PCDHA4: variants seen among roughly 807,000 people sequenced by gnomAD.
PCDHA4 encodes protocadherin alpha-4.
Under a neutral mutation model 61.4 loss-of-function variants are expected in PCDHA4, and 49 were observed. That is an observed-to-expected ratio of 0.80 (90% CI 0.63 to 1.01). The LOEUF is 1.01. Ranked by LOEUF, PCDHA4 falls within the 50% of genes least tolerant of loss-of-function variation. The pLI is 0.00. For synonymous variants in PCDHA4, 590 were observed against 550.3 expected (o/e 1.07, Z -1.01); for missense variants, 1,254 against 1,235.8 (o/e 1.01, Z -0.22).
chr5:140,941,202 C>CCTTCCTTT (rs1554213920), intron 1 of PCDHA4, among the ~76,000 whole-genome samples: 107 of 122,824 alleles, frequency 8.7e-4, no homozygotes, highest in Admixed American at 4.2e-3. Flanking sequence ...TTTCTTTCTT[C>CCTTCCTTT]CTTTCTTTCT....
At chr5:140,837,391 T>A (rs1444543611) in intron 1 of PCDHA4, among the ~76,000 whole-genome samples, 1 of 152,024 alleles carries the variant, frequency 6.6e-6, no homozygotes, top group East Asian at 1.9e-4. Context: ...GTTCCTTGTT[T>A]GTATAAGAAA....
At chr5:140,845,981 G>A (rs1025810525) in intron 1 of PCDHA4, among the ~76,000 whole-genome samples, 13 of 149,478 alleles carry the variant, frequency 8.7e-5, no homozygotes, top group Non-Finnish European at 1.9e-4. Context: ...TCAATATTTT[G>A]AATGTTGTGT....
In PCDHA4 at chr5:140,808,220, G is replaced by C; in HGVS notation, c.1033G>C (p.Asp345His). 6.2e-7 allele frequency: 1 copy of C among 1,614,204 alleles called. No homozygotes were observed. The highest frequency in any genetic ancestry group is 8.5e-7 in the Non-Finnish European group (1 of 1,180,030). ...TATTGTGGAAGTAGAAGACAACAAC[G>C]ATAATGTCCCAGATTTGGAATTCAA... is the stretch of plus-strand genomic sequence containing the variant. Reference protein sequence around the residue: ...RVIVEVEDNNDNVPDLEFKSL... With the variant: ...RVIVEVEDNNHNVPDLEFKSL... The change falls in exon 1 of 4, where the codon GAT (aspartate) becomes CAT (histidine). Residue 345 changes from aspartate to histidine, a missense_variant. Physicochemically the swap from Asp to His is moderately conservative, Grantham distance 81. Coordinates refer to ENST00000530339, the MANE Select transcript of PCDHA4 (RefSeq NM_018907.4).
intron 1 of PCDHA4, among the ~76,000 whole-genome samples, chr5:140,880,167 G>A (rs1363011800): frequency 2.0e-5 from 3 of 152,160 alleles, no homozygotes; most frequent in African/African-American, 7.2e-5. Context: ...TATGTTAGAA[G>A]TTAAACATGA....
chr5:140,956,137 A>C (rs374405911), intron 1 of PCDHA4, among the ~76,000 whole-genome samples: 1 of 152,114 alleles, frequency 6.6e-6, no homozygotes. Flanking sequence ...AATACCCTTT[A>C]TTTCTTTCTC....
intron 1 of PCDHA4, among the ~76,000 whole-genome samples, chr5:140,915,981 C>T (rs11167655): frequency 0.33 from 49,706 of 151,966 alleles, 8,424 homozygotes; most frequent in East Asian, 0.53. Flanking sequence ...TATTTGACTA[C>T]GGCTAAGCTG....
At chr5:140,814,728 C>A (rs1013538090) in intron 1 of PCDHA4, 3 of 152,178 alleles carry the variant, frequency 2.0e-5, no homozygotes, top group Non-Finnish European at 4.4e-5. Flanking sequence ...AATTTTTCAG[C>A]TCCATTATAA....
chr5:140,979,157 A>G (rs2096837413), intron 2 of PCDHA4, 150 bp downstream of exon 2: 9 of 1,429,186 alleles, frequency 6.3e-6, no homozygotes, highest in Non-Finnish European at 8.3e-6. Context: ...CCCCATGTTT[A>G]TTCCTTGAAA....
chr5:140,912,393 G>T (rs1312827248), intron 1 of PCDHA4, among the ~76,000 whole-genome samples: 1 of 147,816 alleles, frequency 6.8e-6, no homozygotes, highest in Admixed American at 6.7e-5. Context: ...TTCTTAATTT[G>T]ATTCTCAGCT....
intron 1 of PCDHA4, among the ~76,000 whole-genome samples, chr5:140,946,338 A>T (rs1042874038): frequency 6.6e-6 from 1 of 151,824 alleles, no homozygotes; most frequent in Non-Finnish European, 1.5e-5. Flanking sequence ...ATAACAAGTG[A>T]TGGAGAGGAT....
At chr5:140,966,808 A>G (rs782040625) in intron 1 of PCDHA4, 5 of 1,548,024 alleles carry the variant, frequency 3.2e-6, no homozygotes, top group Non-Finnish European at 4.3e-6. Context: ...CAGAGCATCC[A>G]CGGCTCCGGC....
rs530119651 is a variant in PCDHA4, at chr5:140,965,991, T to A, written c.2386-12958T>A. ...CCTAGGAGTTGAGCACTTTCTGCAG[T>A]ACTTAAGAGTGTCCAGGGAAGATGT... On this transcript the variant is annotated intron_variant, in intron 1 of 3. Transcript: ENST00000530339. Among the ~76,000 whole-genome samples, 253 of 152,310 alleles carry A rather than the reference T, an allele frequency of 1.7e-3. 2 individuals carry two copies. Among genetic ancestry groups the A allele is most frequent in the Non-Finnish European group, 2.4e-3 (164 of 68,034 alleles).
intron 1 of PCDHA4, chr5:140,866,442 T>C (rs2049360062): frequency 6.6e-6 from 1 of 151,872 alleles, no homozygotes; most frequent in Non-Finnish European, 1.5e-5. Flanking sequence ...TCTTCTTCAG[T>C]CTTATTGTTG....
intron 1 of PCDHA4, chr5:140,877,335 G>C (rs115718636): frequency 0.047 from 75,474 of 1,613,976 alleles, 2,017 homozygotes; most frequent in Middle Eastern, 0.086. Flanking sequence ...CGCACATCCC[G>C]TTCCACGTGG....
chr5:140,835,675 G>A (rs2150241595), intron 1 of PCDHA4: 3 of 1,613,800 alleles, frequency 1.9e-6, no homozygotes, highest in Admixed American at 1.7e-5. Context: ...CGGGACGGGG[G>A]CTCGCCTTCT....
At chr5:140,837,516 C>CT (rs1554136502) in intron 1 of PCDHA4, among the ~76,000 whole-genome samples, 2 of 151,568 alleles carry the variant, frequency 1.3e-5, no homozygotes, top group African/African-American at 4.9e-5. Flanking sequence ...AAGCAGTTTA[C>CT]TTTTTTTGTA....
intron 1 of PCDHA4, chr5:140,871,465 C>T (rs782500075): frequency 5.0e-6 from 8 of 1,602,850 alleles, no homozygotes; most frequent in Non-Finnish European, 6.0e-6. Flanking sequence ...AGGGGAAAGA[C>T]AGGAGCCAGG....
intron 1 of PCDHA4, chr5:140,823,887 T>C: frequency 1.2e-6 from 2 of 1,613,952 alleles, no homozygotes; most frequent in Non-Finnish European, 1.7e-6. Context: ...TCGCCATCTG[T>C]GCGGTGTCCA....
chr5:140,955,585 T>G (rs1438222402), intron 1 of PCDHA4, among the ~76,000 whole-genome samples: 1 of 152,198 alleles, frequency 6.6e-6, no homozygotes, highest in African/African-American at 2.4e-5. Context: ...CAATTAAACC[T>G]CTTTCTTTTA....
Sources: gnomAD v4.1 joint callset for allele counts (sites outside exome capture counted in the v4.1 genomes callset) on GRCh38, gnomAD v4.1.1 for gene constraint, MANE v1.5 for transcripts, NCBI Gene and HGNC (gene_info 2026-07-23, HGNC 2026-07-21) for gene names.